MAML3: variants seen among roughly 807,000 people sequenced by gnomAD.
The protein encoded by MAML3 is mastermind-like protein 3.
Under a neutral mutation model 101.9 loss-of-function variants are expected in MAML3, and 27 were observed. That is an observed-to-expected ratio of 0.27 (90% CI 0.20 to 0.37). The LOEUF (loss-of-function observed/expected upper bound fraction) is 0.37, where lower values mean the gene tolerates loss of function less well. Ranked by LOEUF, MAML3 falls within the 10% of genes least tolerant of loss-of-function variation. The pLI is 1.00. For missense variants in MAML3, 1,316 were observed against 1,444.9 expected, an observed-to-expected ratio of 0.91 and a Z score of 1.45; for synonymous variants, 501 against 555.9, an observed-to-expected ratio of 0.90 and a Z score of 1.39.
chr4:140,086,593 A>C (rs184558352), intron 1 of MAML3, among the ~76,000 whole-genome samples: 1 of 152,356 alleles, frequency 6.6e-6, no homozygotes, highest in East Asian at 1.9e-4. Flanking sequence ...CAGAATCAGA[A>C]CTAAAGTACC....
Position 140,154,121 on chromosome 4 carries a change from G to GCCA in MAML3, c.-795_-794insTGG. The GCCA allele has an allele frequency of 1.1e-5, 2 of 182,110 alleles. No individual in the cohort carries two copies. The highest frequency in any genetic ancestry group is 1.7e-4 in the East Asian group (1 of 5,966). The allele number at this position is 182,110 out of a possible 1,614,324, so 11.3% of individuals were successfully genotyped here. A position where few individuals can be genotyped will look rare whatever the true frequency, so the allele number is the denominator to read the frequency against. On this transcript the variant is annotated 5_prime_UTR_variant, in exon 1 of 5. Coordinates refer to ENST00000509479, the MANE Select transcript of MAML3 (RefSeq NM_018717.5). ...TGATCAACTGCTCGCCGCCGCCGCCGCCGCCGCCTCCTCCTCCTCCTCTCG... is the reference window on the plus strand; with the variant it reads ...TGATCAACTGCTCGCCGCCGCCGCCGCCACCGCCGCCTCCTCCTCCTCCTCTCG...
rs138062260 is a variant in MAML3, at chr4:140,039,219, G to GT, written c.468+113640dup. Among the ~76,000 whole-genome samples the GT allele has an allele frequency of 5.5e-3, 834 of 152,284 alleles. 9 individuals are homozygous for GT. The highest frequency in any genetic ancestry group is 0.019 in the African/African-American group (787 of 41,564). Reference sequence around the variant, plus strand: ...ACTGAGGGAAATCACAGAAAGAAGAGTAAATTCAAAGGGGAGAACCACACC... The same window carrying GT: ...ACTGAGGGAAATCACAGAAAGAAGAGTTAAATTCAAAGGGGAGAACCACACC... On this transcript the variant is annotated intron_variant, in intron 1 of 4. Transcript: ENST00000509479.
intron 1 of MAML3, among the ~76,000 whole-genome samples, chr4:140,039,695 C>T (rs1727049169): frequency 6.6e-6 from 1 of 152,140 alleles, no homozygotes; most frequent in Non-Finnish European, 1.5e-5. Flanking sequence ...CAGGGCCAGG[C>T]ATGCATTTGA....
rs553355701 is a variant in MAML3 at position 139,805,109 on chromosome 4, G to A, written c.2080-74442C>T. ...CAGGAGAATTGCTTGATTTGTAACC[G>A]GGAGGCGGAGGTTGCGGTGAGCCGA... On this transcript the variant is annotated intron_variant, in intron 2 of 4. Coordinates refer to ENST00000509479, the MANE Select transcript of MAML3 (RefSeq NM_018717.5). 2.6e-5 allele frequency among the ~76,000 whole-genome samples: 4 copies of A among 152,306 alleles called. No homozygotes were observed. The East Asian group carries it at 5.8e-4, about 22-fold the overall frequency.
chr4:139,747,866 C>A (rs370352355), intron 2 of MAML3, among the ~76,000 whole-genome samples: 1 of 151,650 alleles, frequency 6.6e-6, no homozygotes, highest in Non-Finnish European at 1.5e-5. Flanking sequence ...CAAGCCTGAT[C>A]GATACAGTGA....
chr4:140,114,136 T>G (rs975421834), intron 1 of MAML3, among the ~76,000 whole-genome samples: 4 of 152,262 alleles, frequency 2.6e-5, no homozygotes, highest in Non-Finnish European at 5.9e-5. Context: ...CTGCACTCTC[T>G]GCCCTGCGAA....
chr4:140,063,052 T>TC (rs1727473011), intron 1 of MAML3, among the ~76,000 whole-genome samples: 1 of 152,200 alleles, frequency 6.6e-6, no homozygotes, highest in South Asian at 2.1e-4. Flanking sequence ...ACTTAGCTCC[T>TC]CACAACATGA....
At position 139,941,915 on chromosome 4, in the gene MAML3, C is replaced by A. The variant is rs184206911; in HGVS notation, c.469-50948G>T. The stretch of plus-strand genomic sequence containing the variant: ...TTGGGAGGCTGAGGTGGATGGATCA[C>A]CAGAGGTCAGGAGTTCAAGACCAGC... On this transcript the variant is annotated intron_variant, in intron 1 of 4. Coordinates refer to ENST00000509479, the MANE Select transcript of MAML3 (RefSeq NM_018717.5). 6.2e-3 allele frequency among the ~76,000 whole-genome samples: 948 copies of A among 152,238 alleles called. 6 individuals carry two copies. Among genetic ancestry groups the A allele is most frequent in the Middle Eastern group, 0.017 (5 of 294 alleles).
At chr4:140,063,909 T>C (rs1031101988) in intron 1 of MAML3, among the ~76,000 whole-genome samples, 67 of 152,276 alleles carry the variant, frequency 4.4e-4, no homozygotes, top group African/African-American at 1.6e-3. Context: ...ACACTGAATA[T>C]ACAAACAGAT....
intron 4 of MAML3, among the ~76,000 whole-genome samples, chr4:139,725,211 C>G (rs1361607244): frequency 1.3e-5 from 2 of 152,162 alleles, no homozygotes; most frequent in African/African-American, 4.8e-5. Context: ...GTTCAATCAG[C>G]CTCAAGGCCC....
Position 139,719,391 on chromosome 4 carries a change from A to G in MAML3, c.3349T>C (p.Ser1117Pro), listed in dbSNP as rs1357707644. The G allele has an allele frequency of 6.2e-7, 1 of 1,613,304 alleles. No individual in the cohort carries two copies. Residue 1117 changes from serine to proline, a missense_variant, in exon 5 of 5, where the codon TCC becomes CCC. Coordinates refer to ENST00000509479, the MANE Select transcript of MAML3 (RefSeq NM_018717.5). The part of the protein sequence containing the change: ...GLPDGADLVD[S>P]IIKGGPGDEW... ...TCCCCTGGCCCGCCTTTGATGATGG[A>G]GTCCACAAGGTCTGCACCGTCCGGG... is the stretch of plus-strand genomic sequence containing the variant.
At chr4:139,763,041 C>T in intron 2 of MAML3, among the ~76,000 whole-genome samples, 1 of 151,980 alleles carries the variant, frequency 6.6e-6, no homozygotes, top group Non-Finnish European at 1.5e-5. Context: ...GGGAAACTGA[C>T]CAGTGGTATT....
chr4:140,099,346 T>C (rs1371696531), intron 1 of MAML3, among the ~76,000 whole-genome samples: 1 of 152,084 alleles, frequency 6.6e-6, no homozygotes, highest in Non-Finnish European at 1.5e-5. Context: ...GACACAAGCA[T>C]CCACCCAGTC....
chr4:139,758,445 G>A (rs1729695936), intron 2 of MAML3, among the ~76,000 whole-genome samples: 1 of 152,168 alleles, frequency 6.6e-6, no homozygotes, highest in African/African-American at 2.4e-5. Flanking sequence ...ATCGATCTGT[G>A]TGTGCAGAGG....
chr4:139,812,697 G>C (rs1293021490), intron 2 of MAML3, among the ~76,000 whole-genome samples: 1 of 152,150 alleles, frequency 6.6e-6, no homozygotes. Context: ...AAATTAACCA[G>C]CCTATGAGGA....
intron 1 of MAML3, among the ~76,000 whole-genome samples, chr4:140,041,962 C>CTAGT (rs1401132166): frequency 6.6e-6 from 1 of 152,132 alleles, no homozygotes; most frequent in Non-Finnish European, 1.5e-5. Context: ...GAACAACTAA[C>CTAGT]CTTTACTAAG....
intron 1 of MAML3, among the ~76,000 whole-genome samples, chr4:139,962,629 G>T (rs182170234): frequency 7.4e-4 from 113 of 152,116 alleles, no homozygotes; most frequent in African/African-American, 2.7e-3. Context: ...ATAGGGATAG[G>T]GTATTTGAGA....
chr4:139,914,131 T>C (rs1333194144), intron 1 of MAML3, among the ~76,000 whole-genome samples: 1 of 152,182 alleles, frequency 6.6e-6, no homozygotes, highest in African/African-American at 2.4e-5. Context: ...ACAGTAAAAG[T>C]ATCACAGTTC....
At chr4:140,084,646 G>A (rs534594348) in intron 1 of MAML3, among the ~76,000 whole-genome samples, 5 of 151,958 alleles carry the variant, frequency 3.3e-5, no homozygotes, top group African/African-American at 9.6e-5. Flanking sequence ...TATGAAGCAC[G>A]ACCTAACGCC....
Sources: gnomAD v4.1 joint callset for allele counts (sites outside exome capture counted in the v4.1 genomes callset) on GRCh38, gnomAD v4.1.1 for gene constraint, MANE v1.5 for transcripts, NCBI Gene and HGNC (gene_info 2026-07-23, HGNC 2026-07-21) for gene names.